FZD3: variants seen among roughly 807,000 people sequenced by gnomAD.
FZD3 encodes the protein frizzled-3.
Under a neutral mutation model 60.7 loss-of-function variants are expected in FZD3, and 30 were observed. The ratio of observed to expected loss-of-function variants is 0.49; its 90% CI spans 0.37 to 0.67. FZD3 has a LOEUF of 0.67. Ranked by LOEUF, FZD3 falls within the 30% of genes least tolerant of loss-of-function variation. FZD3 has a pLI of 0.00. For synonymous variants in FZD3, 246 were observed against 275.2 expected, an observed-to-expected ratio of 0.89 and a Z score of 1.05; for missense variants, 605 against 838.7, an observed-to-expected ratio of 0.72 and a Z score of 3.44.
chr8:28,561,253 T>C (rs1805607690), intron 7 of FZD3, among the ~76,000 whole-genome samples: 1 of 152,090 alleles, frequency 6.6e-6, no homozygotes. Context: ...GACAGGGTTT[T>C]ACCACATTCG....
At chr8:28,519,388 C>G (rs1271288032) in intron 3 of FZD3, among the ~76,000 whole-genome samples, 2 of 151,964 alleles carry the variant, frequency 1.3e-5, no homozygotes, top group Non-Finnish European at 2.9e-5. Context: ...TATTAGCTTA[C>G]AGCATTAGTT....
intron 1 of FZD3, among the ~76,000 whole-genome samples, chr8:28,495,016 T>G (rs1436659468): frequency 6.6e-6 from 1 of 152,150 alleles, no homozygotes; most frequent in Non-Finnish European, 1.5e-5. Context: ...TGCCGTGGGG[T>G]GGCTGCTGCT....
rs780940949 is a variant in FZD3 at position 28,503,039 on chromosome 8, C to G, written c.26C>G (p.Ser9Cys). The G allele has an allele frequency of 6.2e-6, 10 of 1,613,144 alleles. No homozygotes were observed. The South Asian group carries it at 9.9e-5, about 16-fold the overall frequency. MAMTWIVF[S>C]LWPLTVFMGH... ...ATGGCTATGACTTGGATTGTCTTCT[C>G]TCTTTGGCCCTTGACTGTGTTCATG... is the stretch of plus-strand genomic sequence containing the variant. Residue 9 changes from serine to cysteine, a missense_variant, in exon 3 of 8, where the codon TCT becomes TGT. Physicochemically the swap from Ser to Cys is moderately radical, Grantham distance 112. Transcript: ENST00000240093.
chr8:28,502,753 G>A lies in FZD3; in HGVS notation c.-261G>A. On this transcript the variant is annotated 5_prime_UTR_variant, in exon 3 of 8. The change creates a premature stop within an existing upstream ORF in the 5' untranslated region. Transcript: ENST00000240093. ...ATGTGGTTGATCAACTTGATATGTT[G>A]GCCAAATGTGCCCCATGTAATAAAA... 3.9e-6 allele frequency: 1 copy of A among 257,564 alleles called. No individual in the cohort carries two copies. Among genetic ancestry groups the A allele is most frequent in the South Asian group, 1.7e-4 (1 of 5,998 alleles). The allele number at this position is 257,564 out of a possible 1,614,324, so 16.0% of individuals were successfully genotyped here.
chr8:28,555,433 G>A (rs939988321), intron 6 of FZD3, among the ~76,000 whole-genome samples: 1 of 152,192 alleles, frequency 6.6e-6, no homozygotes, highest in African/African-American at 2.4e-5. Flanking sequence ...ATGAAGAAAT[G>A]AAGGAAAGAA....
intron 5 of FZD3, among the ~76,000 whole-genome samples, chr8:28,530,830 A>G (rs568234815): frequency 6.6e-6 from 1 of 152,290 alleles, no homozygotes; most frequent in South Asian, 2.1e-4. Flanking sequence ...TACATAAACT[A>G]TATCACACAT....
chr8:28,546,969 C>CAA (rs1242110166), intron 5 of FZD3, among the ~76,000 whole-genome samples: 10 of 76,708 alleles, frequency 1.3e-4, no homozygotes, highest in Admixed American at 3.0e-4. Flanking sequence ...GACTCCGTCT[C>CAA]AAAAAAAAAA....
chr8:28,569,482 CTCTCATTTGGT>C lies in FZD3; in HGVS notation c.*6481_*6491del, dbSNP rs1248643297. 2 of 151,630 alleles carry C rather than the reference CTCTCATTTGGT, an allele frequency of 1.3e-5. No homozygotes were observed. Among genetic ancestry groups the C allele is most frequent in the Non-Finnish European group, 2.9e-5 (2 of 67,902 alleles). The allele number at this position is 151,630 out of a possible 1,614,324, so 9.4% of individuals were successfully genotyped here. ...AGGTAGCGTCTAAAATTCCGCCCAGCTCTCATTTGGTTCTCATTTGACCATTTTATAATCAT... is the reference window on the plus strand; with the variant it reads ...AGGTAGCGTCTAAAATTCCGCCCAGCTCTCATTTGACCATTTTATAATCAT... On this transcript the variant is annotated 3_prime_UTR_variant, in exon 8 of 8. Coordinates refer to ENST00000240093, the MANE Select transcript of FZD3 (RefSeq NM_017412.4).
intron 5 of FZD3, among the ~76,000 whole-genome samples, chr8:28,539,258 C>T (rs186881737): frequency 3.3e-5 from 5 of 152,208 alleles, no homozygotes; most frequent in East Asian, 1.9e-4. Context: ...CATAGGAGCG[C>T]GAACCCTGTT....
intron 3 of FZD3, among the ~76,000 whole-genome samples, chr8:28,515,812 G>A (rs1446402481): frequency 6.6e-6 from 1 of 152,194 alleles, no homozygotes; most frequent in Non-Finnish European, 1.5e-5. Context: ...TATTATTTTA[G>A]AGAGGCTTGA....
intron 4 of FZD3, among the ~76,000 whole-genome samples, chr8:28,525,999 A>T (rs940239195): frequency 6.6e-6 from 1 of 152,174 alleles, no homozygotes; most frequent in East Asian, 1.9e-4. Context: ...ATTTATGGAG[A>T]TGGAGAAACC....
chr8:28,551,827 A>G, intron 6 of FZD3, 76 bp downstream of exon 6: 4 of 1,150,578 alleles, frequency 3.5e-6, no homozygotes, highest in East Asian at 4.8e-5. Context: ...TTATGTTAAA[A>G]TGACTTGGAT....
intron 3 of FZD3, among the ~76,000 whole-genome samples, chr8:28,506,946 C>T (rs549592305): frequency 6.6e-6 from 1 of 152,180 alleles, no homozygotes; most frequent in African/African-American, 2.4e-5. Flanking sequence ...ATTACCAACT[C>T]ATAGCTAGTC....
chr8:28,563,342 T>A lies in FZD3; in HGVS notation c.*331T>A. On this transcript the variant is annotated 3_prime_UTR_variant, in exon 8 of 8. Coordinates refer to ENST00000240093, the MANE Select transcript of FZD3 (RefSeq NM_017412.4). The stretch of plus-strand genomic sequence containing the variant: ...GTGTGGTGACTGCTTTGTAGTGAAC[T>A]TTCATATACTATAAACTAGTTGTGA... The A allele has an allele frequency of 3.5e-6, 1 of 283,370 alleles. No individual in the cohort carries two copies. Among genetic ancestry groups the A allele is most frequent in the South Asian group, 4.1e-5 (1 of 24,538 alleles). 17.6% of individuals were successfully genotyped at this position (283,370 alleles called of 1,614,324 possible).
Position 28,536,582 on chromosome 8 carries a change from G to A in FZD3, c.1404+8418G>A, listed in dbSNP as rs10104998. Among the ~76,000 whole-genome samples the A allele has an allele frequency of 5.0e-3, 767 of 152,122 alleles. 4 individuals are homozygous for A. Among genetic ancestry groups the A allele is most frequent in the African/African-American group, 0.016 (644 of 41,482 alleles). On this transcript the variant is annotated intron_variant, in intron 5 of 7. Transcript: ENST00000240093. Reference sequence around the variant, plus strand: ...AATTAGCCGGGCTGTGGTGGCACACGCCTATAATCCCAGCTACTCAGGAGG... The same window carrying A: ...AATTAGCCGGGCTGTGGTGGCACACACCTATAATCCCAGCTACTCAGGAGG...
chr8:28,537,533 A>G (rs934049268), intron 5 of FZD3, among the ~76,000 whole-genome samples: 3 of 35,188 alleles, frequency 8.5e-5, no homozygotes, highest in Non-Finnish European at 1.5e-4. Flanking sequence ...CTATGGTACA[A>G]CTACTCAGCT....
chr8:28,528,769 T>C (rs1458109027), intron 5 of FZD3, among the ~76,000 whole-genome samples: 1 of 152,170 alleles, frequency 6.6e-6, no homozygotes, highest in Non-Finnish European at 1.5e-5. Context: ...AGCTTTGAAA[T>C]GTTAAGTGAC....
intron 6 of FZD3, among the ~76,000 whole-genome samples, 174 bp from the exon 7 acceptor site, chr8:28,555,564 A>G (rs542993112): frequency 1.3e-5 from 2 of 152,328 alleles, no homozygotes; most frequent in East Asian, 1.9e-4. Flanking sequence ...ACAGATTGAC[A>G]TAGATTGTTG....
intron 4 of FZD3, among the ~76,000 whole-genome samples, chr8:28,526,943 C>G (rs1274645788): frequency 6.6e-6 from 1 of 152,144 alleles, no homozygotes; most frequent in Non-Finnish European, 1.5e-5. Flanking sequence ...TCAAGACATA[C>G]AACTAGTATT....
Sources: allele counts gnomAD v4.1 joint callset (sites outside exome capture counted in the v4.1 genomes callset), GRCh38; gene constraint gnomAD v4.1.1; transcripts MANE v1.5; gene names NCBI Gene and HGNC (gene_info 2026-07-23, HGNC 2026-07-21).